The following RNH1 variants were observed in gnomAD, a reference collection of about 807,000 sequenced individuals.
RNH1 encodes the protein ribonuclease/angiogenin inhibitor 1.
A neutral mutation model predicts 46.1 loss-of-function variants in RNH1; 38 were observed. The ratio of observed to expected loss-of-function variants is 0.82; its 90% CI spans 0.64 to 1.08. RNH1 has a LOEUF of 1.08. Ranked by LOEUF, RNH1 falls within the 50% of genes least tolerant of loss-of-function variation. RNH1 has a pLI of 0.00. For missense variants in RNH1, 577 were observed against 590.7 expected (o/e 0.98, Z 0.24); for synonymous variants, 319 against 279.1 (o/e 1.14, Z -1.43).
rs1849375294 is a variant in RNH1 at position 498,460 on chromosome 11, A to G, written c.953T>C (p.Leu318Pro). Residue 318 changes from leucine to proline, a missense_variant, in exon 8 of 11, where the codon CTG becomes CCG. By Grantham distance (98) the Leu-to-Pro change is moderately conservative. Coordinates refer to ENST00000354420, the MANE Select transcript of RNH1 (RefSeq NM_203387.3). ...CTGCCCCGACAGCCACACTCACCACAGCGACTCCAGCTGGCAGCCAGGTTC... is the reference window on the plus strand; with the variant it reads ...CTGCCCCGACAGCCACACTCACCACGGCGACTCCAGCTGGCAGCCAGGTTC... The part of the protein sequence containing the change: ...LLEPGCQLES[L>P]WVKSCSFTAA... 6.2e-7 allele frequency: 1 copy of G among 1,612,402 alleles called. No homozygotes were observed. The highest frequency in any genetic ancestry group is 8.5e-7 in the Non-Finnish European group (1 of 1,179,970).
At chr11:506,282 C>G (rs976979840) in intron 1 of RNH1, 1 of 152,222 alleles carries the variant, frequency 6.6e-6, no homozygotes, top group Non-Finnish European at 1.5e-5. Flanking sequence ...CTGCCTGGTT[C>G]TAAGGCCCTT....
rs907354722 is a variant in RNH1 at position 502,576 on chromosome 11, G to A, written c.-87-327C>T. 8 of 236,900 alleles carry A rather than the reference G, an allele frequency of 3.4e-5. No homozygotes were observed. The highest frequency in any genetic ancestry group is 1.5e-4 in the African/African-American group (7 of 45,236). The allele number at this position is 236,900 out of a possible 1,614,324, so 14.7% of individuals were successfully genotyped here. A position where few individuals can be genotyped will look rare whatever the true frequency, so the allele number is the denominator to read the frequency against. ...AGGACAGGGTAGGGTGGGGTGGTCT[G>A]TGAGCCTGGAGGCCCCAGCAGGGGA... On this transcript the variant is annotated intron_variant, in intron 2 of 10. Transcript: ENST00000354420. The surrounding 1 kb of genome is among the most constrained non-coding windows in gnomAD (Gnocchi z 5.8).
At chr11:499,787 G>A (rs760460568) in intron 5 of RNH1, 42 bp downstream of exon 5, 26 of 1,582,138 alleles carry the variant, frequency 1.6e-5, no homozygotes, top group Middle Eastern at 3.5e-4. Context: ...CTGGGGGACA[G>A]GCAGCGGCCA....
intron 9 of RNH1, among the ~76,000 whole-genome samples, 195 bp downstream of exon 9, chr11:497,776 C>T (rs1849299608): frequency 6.6e-6 from 1 of 151,300 alleles, no homozygotes; most frequent in Admixed American, 6.6e-5. Flanking sequence ...GACACGTGCT[C>T]ACTCTCACAT....
rs766159308 is a variant in RNH1 at position 498,714 on chromosome 11, G to A, written c.785+49C>T. 1.9e-5 allele frequency: 31 copies of A among 1,590,748 alleles called. No homozygotes were observed. In the East Asian group the frequency reaches 3.1e-4, roughly 16 times the overall value. Reference sequence around the variant, plus strand: ...AGGGGCGGGGGAGAGCTCTGAGGACGGCCCGCCGCCCGACCCTCCGGGAAG... The same window carrying A: ...AGGGGCGGGGGAGAGCTCTGAGGACAGCCCGCCGCCCGACCCTCCGGGAAG... On this transcript the variant is annotated intron_variant, in intron 7 of 10. Transcript: ENST00000354420.
intron 1 of RNH1, chr11:505,874 CTTTTTTTTTTTTTT>C (rs35130438): frequency 1.7e-5 from 2 of 118,098 alleles, no homozygotes; most frequent in Non-Finnish European, 3.4e-5. Context: ...CCTAATGTAA[CTTTTTTTTTTTTTT>C]TTTTTTTTTG....
Position 494,691 on chromosome 11 carries a change from T to G in RNH1, c.1386A>C (p.Ter462CysextTer?). The G allele has an allele frequency of 6.2e-7, 1 of 1,613,512 alleles. No homozygotes were observed. The highest frequency in any genetic ancestry group is 8.5e-7 in the Non-Finnish European group (1 of 1,179,816). Residue 462 changes from the stop codon to cysteine, a stop_lost, in exon 11 of 11, where the codon TGA becomes TGC. Transcript: ENST00000354420. ...KDKPSLRVIS[*>C] ...AGGGAGAGCAGCAGCAGGAAGAGCC[T>G]CAGGAGATGACCCTCAGGGATGGCT... is the stretch of plus-strand genomic sequence containing the variant.
rs568760672 is a variant in RNH1, at chr11:500,900, A to G, written c.102-246T>C. 6.5e-5 allele frequency: 39 copies of G among 598,504 alleles called. No homozygotes were observed. The East Asian group carries it at 1.3e-3, about 19-fold the overall frequency. The allele number at this position is 598,504 out of a possible 1,614,324, so 37.1% of individuals were successfully genotyped here. A position where few individuals can be genotyped will look rare whatever the true frequency, so the allele number is the denominator to read the frequency against. ...TCCCAGCACTTTGGGAGGCCGAGGCAGGCAGATCACCTGAGGTCGGGAGTT... is the reference window on the plus strand; with the variant it reads ...TCCCAGCACTTTGGGAGGCCGAGGCGGGCAGATCACCTGAGGTCGGGAGTT... On this transcript the variant is annotated intron_variant, in intron 3 of 10. Coordinates refer to ENST00000354420, the MANE Select transcript of RNH1 (RefSeq NM_203387.3).
Position 494,582 on chromosome 11 carries a change from C to G in RNH1, c.*109G>C. 1 of 908,138 alleles carries G rather than the reference C, an allele frequency of 1.1e-6. No homozygotes were observed. Among genetic ancestry groups the G allele is most frequent in the South Asian group, 1.4e-5 (1 of 72,190 alleles). The allele number at this position is 908,138 out of a possible 1,614,324, so 56.3% of individuals were successfully genotyped here. On this transcript the variant is annotated 3_prime_UTR_variant, in exon 11 of 11. Transcript: ENST00000354420. ...ACTGGCAGAAATAAGCGGATCTGAG[C>G]GTTTCTCTTCAAACCTAGGATATGC...
chr11:495,202 C>T, intron 9 of RNH1, 149 bp from the exon 10 acceptor site: 2 of 788,512 alleles, frequency 2.5e-6, no homozygotes, highest in South Asian at 1.7e-5. Flanking sequence ...GCTCACCGTC[C>T]CTGTGGCCCT....
Position 498,956 on chromosome 11 carries a change from A to C in RNH1, c.615-23T>G, listed in dbSNP as rs1256635055. The C allele has an allele frequency of 5.6e-6, 9 of 1,611,770 alleles. No homozygotes were observed. In the South Asian group the frequency reaches 9.9e-5, roughly 18 times the overall value. On this transcript the variant is annotated intron_variant, in intron 6 of 10. Coordinates refer to ENST00000354420, the MANE Select transcript of RNH1 (RefSeq NM_203387.3). ...AGCCTGGGGACACGGGTCACACGTG[A>C]GGCAGCACGGGACCCCCCCTAGCCC...
rs1311762334 is a variant in RNH1 at position 498,793 on chromosome 11, A to G, written c.755T>C (p.Leu252Pro). ...GGTCCTGAGCCTGGAGCTGGGGTGG[A>G]GCAGCCCTGGGCACAGCTCCGCCAT... is the stretch of plus-strand genomic sequence containing the variant. Reference protein sequence around the residue: ...VGMAELCPGLLHPSSRLRTLW... With the variant: ...VGMAELCPGLPHPSSRLRTLW... The change falls in exon 7 of 11, where the codon CTC becomes CCC. Residue 252 changes from leucine (L) to proline (P), a missense_variant. Physicochemically the swap from Leu to Pro is moderately conservative, Grantham distance 98. Transcript: ENST00000354420. 6.2e-7 allele frequency: 1 copy of G among 1,605,452 alleles called. No individual in the cohort carries two copies. Among genetic ancestry groups the G allele is most frequent in the Non-Finnish European group, 8.5e-7 (1 of 1,179,188 alleles).
chr11:494,736 C>T lies in RNH1; in HGVS notation c.1341G>A (p.Leu447=), dbSNP rs1215258681. 18 of 1,613,966 alleles carry T rather than the reference C, an allele frequency of 1.1e-5. No homozygotes were observed. The highest frequency in any genetic ancestry group is 1.2e-5 in the Non-Finnish European group (14 of 1,179,986). ...ATGGCTTGTCCTTCTCCAGGGCCTGCAGCCGGTCCTCCATCTCCTCAGACC... is the reference window on the plus strand; with the variant it reads ...ATGGCTTGTCCTTCTCCAGGGCCTGTAGCCGGTCCTCCATCTCCTCAGACC... ...IYWSEEMEDR[L]QALEKDKPSL... Residue 447 remains leucine, a synonymous_variant, in exon 11 of 11, where the codon CTG becomes CTA. Coordinates refer to ENST00000354420, the MANE Select transcript of RNH1 (RefSeq NM_203387.3).
Position 498,752 on chromosome 11 carries a change from A to G in RNH1, c.785+11T>C. 6.3e-7 allele frequency: 1 copy of G among 1,593,756 alleles called. No individual in the cohort carries two copies. The highest frequency in any genetic ancestry group is 8.5e-7 in the Non-Finnish European group (1 of 1,172,802). On this transcript the variant is annotated intron_variant, in intron 7 of 10. Coordinates refer to ENST00000354420, the MANE Select transcript of RNH1 (RefSeq NM_203387.3). Reference sequence around the variant, plus strand: ...ACCCTCCGGGAAGGAGGCCTCGCGGAGATGACTCACCACAGGGTCCTGAGC... The same window carrying G: ...ACCCTCCGGGAAGGAGGCCTCGCGGGGATGACTCACCACAGGGTCCTGAGC...
Position 495,024 on chromosome 11 carries a change from C to T in RNH1, c.1157G>A (p.Ser386Asn). ...WLADCDVSDS[S>N]CSSLAATLLA... ...CAGGGTTGCGGCGAGGCTGCTGCAGCTGCTGTCACTCACATCGCAGTCGGC... is the reference window on the plus strand; with the variant it reads ...CAGGGTTGCGGCGAGGCTGCTGCAGTTGCTGTCACTCACATCGCAGTCGGC... Residue 386 changes from serine (S) to asparagine (N), a missense_variant, in exon 10 of 11, where the codon AGC becomes AAC. Ser to Asn is a conservative substitution (Grantham distance 46, BLOSUM62 1). Coordinates refer to ENST00000354420, the MANE Select transcript of RNH1 (RefSeq NM_203387.3). 1 of 1,605,046 alleles carries T rather than the reference C, an allele frequency of 6.2e-7. No homozygotes were observed. The highest frequency in any genetic ancestry group is 1.1e-5 in the South Asian group (1 of 89,758).
intron 5 of RNH1, 91 bp downstream of exon 5, chr11:499,738 C>T (rs968591684): frequency 1.3e-6 from 2 of 1,513,682 alleles, no homozygotes; most frequent in Admixed American, 3.5e-5. Context: ...GTCCCCTCCT[C>T]ACGGCTCCTG....
intron 1 of RNH1, chr11:505,270 A>T (rs1364474161): frequency 6.6e-6 from 1 of 152,242 alleles, no homozygotes; most frequent in Non-Finnish European, 1.5e-5. Flanking sequence ...TTTTAAAATA[A>T]GAATGGCCCT....
intron 9 of RNH1, among the ~76,000 whole-genome samples, chr11:497,088 T>A (rs1446353118): frequency 6.6e-6 from 1 of 151,360 alleles, no homozygotes; most frequent in African/African-American, 2.4e-5. Flanking sequence ...TCGTGCTCAC[T>A]CTCGCCCATG....
rs997115444 is a variant in RNH1 at position 502,005 on chromosome 11, C to T, written c.101+57G>A. The T allele has an allele frequency of 1.3e-5, 16 of 1,268,480 alleles. No individual in the cohort carries two copies. Among genetic ancestry groups the T allele is most frequent in the Admixed American group, 5.7e-5 (3 of 52,802 alleles). The allele number at this position is 1,268,480 out of a possible 1,614,324, so 78.6% of individuals were successfully genotyped here. A position where few individuals can be genotyped will look rare whatever the true frequency, so the allele number is the denominator to read the frequency against. On this transcript the variant is annotated intron_variant, in intron 3 of 10. Coordinates refer to ENST00000354420, the MANE Select transcript of RNH1 (RefSeq NM_203387.3). This position sits in a 1 kb window ranked among gnomAD's most constrained non-coding sequence, Gnocchi z 5.8. The stretch of plus-strand genomic sequence containing the variant: ...GAGCAATGCACCCTTCAGAGGGAGC[C>T]GCCACCCGCCAGCCTGCCCCACCAG...
Sources: gnomAD v4.1 joint callset for allele counts (sites outside exome capture counted in the v4.1 genomes callset) on GRCh38, gnomAD v4.1.1 for gene constraint, Gnocchi (gnomAD v3.1) non-coding constraint, MANE v1.5 for transcripts, NCBI Gene and HGNC (gene_info 2026-07-23, HGNC 2026-07-21) for gene names.